SLC34A2: variants seen among roughly 807,000 people sequenced by gnomAD.
The protein encoded by SLC34A2 is sodium-dependent phosphate transport protein 2B.
SLC34A2 carries 41 observed loss-of-function variants against 50.8 expected under a neutral mutation model. That is an observed-to-expected ratio of 0.81 (90% CI 0.63 to 1.05). The LOEUF is 1.05. SLC34A2 is among the 50% of genes least tolerant of loss of function. The probability of loss-of-function intolerance (pLI) is 0.00; values close to 1 mark genes in which losing one functional copy is unlikely to be tolerated. For synonymous variants in SLC34A2, 401 were observed against 364.2 expected (o/e 1.10, Z -1.15); for missense variants, 879 against 876.7 (o/e 1.00, Z -0.03).
At chr4:25,663,821 A>T (rs564373778) in intron 3 of SLC34A2, among the ~76,000 whole-genome samples, 1 of 152,180 alleles carries the variant, frequency 6.6e-6, no homozygotes, top group Non-Finnish European at 1.5e-5. Flanking sequence ...GGAACGTGAC[A>T]GCCATTATCT....
chr4:25,672,388 A>G (rs1278426014), intron 9 of SLC34A2, among the ~76,000 whole-genome samples: 1 of 152,204 alleles, frequency 6.6e-6, no homozygotes, highest in Non-Finnish European at 1.5e-5. Flanking sequence ...GCCCCATTTC[A>G]GGGCACTGGG....
chr4:25,671,271 C>T (rs1199240979), intron 8 of SLC34A2, among the ~76,000 whole-genome samples: 3 of 152,190 alleles, frequency 2.0e-5, no homozygotes, highest in Non-Finnish European at 4.4e-5. Flanking sequence ...CTGTCAGGAA[C>T]CTACCCAGGC....
In SLC34A2 at chr4:25,666,156, C is replaced by T. The variant is rs763991011; in HGVS notation, c.408C>T (p.Asn136=). 4 of 1,613,946 alleles carry T rather than the reference C, an allele frequency of 2.5e-6. No homozygotes were observed. In the South Asian group the frequency reaches 4.4e-5, roughly 18 times the overall value. Residue 136 remains asparagine, a synonymous_variant, in exon 5 of 13, where the codon AAC becomes AAT. Coordinates refer to ENST00000382051, the MANE Select transcript of SLC34A2 (RefSeq NM_006424.3). ...AAATGGCAGGACAGTTCTTCAGCAACAGCTCTATTATGTCCAACCCTTTGT... is the reference window on the plus strand; with the variant it reads ...AAATGGCAGGACAGTTCTTCAGCAATAGCTCTATTATGTCCAACCCTTTGT... The part of the protein sequence containing the change: ...GGKMAGQFFS[N]SSIMSNPLLG...
At chr4:25,675,049 TG>T (rs1449154808) in intron 12 of SLC34A2, among the ~76,000 whole-genome samples, 1 of 152,144 alleles carries the variant, frequency 6.6e-6, no homozygotes, top group Non-Finnish European at 1.5e-5. Context: ...TTTATTTTTT[TG>T]AGACAGAGTC....
rs947403146 is a variant in SLC34A2 at position 25,676,871 on chromosome 4, T to A, written c.*122T>A. On this transcript the variant is annotated 3_prime_UTR_variant, in exon 13 of 13. Coordinates refer to ENST00000382051, the MANE Select transcript of SLC34A2 (RefSeq NM_006424.3). Reference sequence around the variant, plus strand: ...TTTGCTCCCCATTAGCGAATGAAATTGATGCAGTCCTACCTAACTCGATTC... The same window carrying A: ...TTTGCTCCCCATTAGCGAATGAAATAGATGCAGTCCTACCTAACTCGATTC... 1.2e-5 allele frequency: 17 copies of A among 1,390,784 alleles called. No individual in the cohort carries two copies. The highest frequency in any genetic ancestry group is 1.7e-5 in the Non-Finnish European group (17 of 1,003,446). The allele number at this position is 1,390,784 out of a possible 1,614,324, so 86.2% of individuals were successfully genotyped here. A position where few individuals can be genotyped will look rare whatever the true frequency, so the allele number is the denominator to read the frequency against.
chr4:25,661,590 G>A (rs961783815), intron 1 of SLC34A2, among the ~76,000 whole-genome samples: 4 of 152,040 alleles, frequency 2.6e-5, no homozygotes, highest in Non-Finnish European at 4.4e-5. Flanking sequence ...GTTTTGACAC[G>A]TTGCCCAGGC....
chr4:25,673,628 G>A (rs1714943904), intron 10 of SLC34A2, among the ~76,000 whole-genome samples: 1 of 152,134 alleles, frequency 6.6e-6, no homozygotes, highest in Non-Finnish European at 1.5e-5. Context: ...TCTTGTAAAG[G>A]AAATGTGATG....
intron 10 of SLC34A2, among the ~76,000 whole-genome samples, chr4:25,673,581 A>G (rs2240998): frequency 0.1 from 15,785 of 151,934 alleles, 988 homozygotes; most frequent in East Asian, 0.29. Context: ...TAGAAAAAGG[A>G]CCCCAGGTGT....
chr4:25,662,915 C>G, intron 3 of SLC34A2, 73 bp downstream of exon 3: 1 of 1,549,464 alleles, frequency 6.5e-7, no homozygotes, highest in Non-Finnish European at 8.9e-7. Context: ...TCCTCCTGTC[C>G]CTCCCCCTTT....
intron 6 of SLC34A2, among the ~76,000 whole-genome samples, chr4:25,668,439 G>T (rs1321545372): frequency 2.0e-5 from 3 of 152,100 alleles, no homozygotes; most frequent in African/African-American, 7.2e-5. Context: ...GATCGCCTGA[G>T]GTCAGGAGCC....
rs1265960379 is a variant in SLC34A2 at position 25,677,149 on chromosome 4, C to G, written c.*400C>G. 9.4e-6 allele frequency: 2 copies of G among 212,546 alleles called. No homozygotes were observed. The highest frequency in any genetic ancestry group is 1.9e-5 in the Non-Finnish European group (2 of 104,150). The allele number at this position is 212,546 out of a possible 1,614,324, so 13.2% of individuals were successfully genotyped here. ...GCTCTCCCAGATGAGGAAGTGTACTCTCTATGACTATCAAGCTCAGGCCTC... is the reference window on the plus strand; with the variant it reads ...GCTCTCCCAGATGAGGAAGTGTACTGTCTATGACTATCAAGCTCAGGCCTC... On this transcript the variant is annotated 3_prime_UTR_variant, in exon 13 of 13. Coordinates refer to ENST00000382051, the MANE Select transcript of SLC34A2 (RefSeq NM_006424.3).
rs1433172731 is a variant in SLC34A2, at chr4:25,669,796, A to G, written c.785A>G (p.Asp262Gly). ...FHFKNGEDAPDLLKVITKPFT... is the reference protein window; with the variant it reads ...FHFKNGEDAPGLLKVITKPFT... ...TTCAAGAATGGAGAAGATGCCCCAG[A>G]TCTTCTGAAAGTCATCACTAAGCCC... Residue 262 changes from aspartate (D) to glycine (G), a missense_variant, in exon 7 of 13, where the codon GAT (aspartate) becomes GGT (glycine). Asp to Gly is a moderately conservative substitution (Grantham distance 94, BLOSUM62 -1). Coordinates refer to ENST00000382051, the MANE Select transcript of SLC34A2 (RefSeq NM_006424.3). 1 of 1,614,114 alleles carries G rather than the reference A, an allele frequency of 6.2e-7. No homozygotes were observed. Among genetic ancestry groups the G allele is most frequent in the South Asian group, 1.1e-5 (1 of 91,078 alleles).
At chr4:25,664,728 A>T (rs746021200) in intron 4 of SLC34A2, among the ~76,000 whole-genome samples, 1 of 152,002 alleles carries the variant, frequency 6.6e-6, no homozygotes, top group Non-Finnish European at 1.5e-5. Context: ...GGGGAAGGAC[A>T]GGGCCCCTTC....
intron 4 of SLC34A2, 59 bp downstream of exon 4, chr4:25,664,389 C>T (rs779876616): frequency 5.2e-5 from 83 of 1,602,034 alleles, no homozygotes; most frequent in South Asian, 3.5e-4. Context: ...AATGTGGTTC[C>T]GAGAGTAAAA....
At position 25,676,418 on chromosome 4, in the gene SLC34A2, G is replaced by T. The variant is rs774345090; in HGVS notation, c.1742G>T (p.Arg581Leu). 6.2e-7 allele frequency: 1 copy of T among 1,613,952 alleles called. No homozygotes were observed. The highest frequency in any genetic ancestry group is 1.3e-5 in the African/African-American group (1 of 75,040). Residue 581 changes from arginine to leucine, a missense_variant, in exon 13 of 13, where the codon CGC (arginine) becomes CTC (leucine). By Grantham distance (102) the Arg-to-Leu change is moderately radical. Transcript: ENST00000382051. ...CLRLLQSRCP[R>L]VLPKKLQNWN... Reference sequence around the variant, plus strand: ...CGACTCCTGCAGTCTCGCTGCCCACGCGTCCTGCCGAAGAAACTCCAGAAC... The same window carrying T: ...CGACTCCTGCAGTCTCGCTGCCCACTCGTCCTGCCGAAGAAACTCCAGAAC...
chr4:25,676,203 C>A lies in SLC34A2; in HGVS notation c.1527C>A (p.Arg509=), dbSNP rs780054519. 1.2e-6 allele frequency: 2 copies of A among 1,614,238 alleles called. No homozygotes were observed. The highest frequency in any genetic ancestry group is 1.7e-6 in the Non-Finnish European group (2 of 1,180,034). The part of the protein sequence containing the change: ...ILLWYPIPFT[R]LPIRMAKGLG... ...TGTGGTACCCGATCCCGTTCACTCG[C>A]CTGCCCATCCGCATGGCCAAGGGGC... The change falls in exon 13 of 13, where the codon CGC becomes CGA. Residue 509 remains arginine (R), a synonymous_variant. Coordinates refer to ENST00000382051, the MANE Select transcript of SLC34A2 (RefSeq NM_006424.3).
Position 25,673,139 on chromosome 4 carries a change from C to T in SLC34A2, c.1101C>T (p.Ile367=), listed in dbSNP as rs1019797044. The change falls in exon 10 of 13, where the codon ATC becomes ATT. Residue 367 remains isoleucine (I), a synonymous_variant. Transcript: ENST00000382051. ...TCCCGGATCTTGCTGTGGGCACCATCTTGCTCATACTCTCCCTGCTGGTCC... is the reference window on the plus strand; with the variant it reads ...TCCCGGATCTTGCTGTGGGCACCATTTTGCTCATACTCTCCCTGCTGGTCC... ...FHLPDLAVGT[I]LLILSLLVLC... 1 of 1,614,162 alleles carries T rather than the reference C, an allele frequency of 6.2e-7. No homozygotes were observed. Among genetic ancestry groups the T allele is most frequent in the East Asian group, 2.2e-5 (1 of 44,884 alleles).
chr4:25,665,449 T>G (rs982183422), intron 4 of SLC34A2, among the ~76,000 whole-genome samples: 2 of 152,142 alleles, frequency 1.3e-5, no homozygotes, highest in East Asian at 3.9e-4. Flanking sequence ...ATTACAGGTG[T>G]GAGCCACCGT....
chr4:25,676,798 A>G lies in SLC34A2; in HGVS notation c.*49A>G, dbSNP rs764975064. ...TGGGGGGATGGTCCTTGAGTTTTGC[A>G]TGCTCTCCTCCCTCCCACTTCTGCA... On this transcript the variant is annotated 3_prime_UTR_variant, in exon 13 of 13. Coordinates refer to ENST00000382051, the MANE Select transcript of SLC34A2 (RefSeq NM_006424.3). 12 of 1,611,904 alleles carry G rather than the reference A, an allele frequency of 7.4e-6. No individual in the cohort carries two copies. Among genetic ancestry groups the G allele is most frequent in the Non-Finnish European group, 1.0e-5 (12 of 1,179,096 alleles).
Sources: allele counts gnomAD v4.1 joint callset (sites outside exome capture counted in the v4.1 genomes callset), GRCh38; gene constraint gnomAD v4.1.1; transcripts MANE v1.5; gene names NCBI Gene and HGNC (gene_info 2026-07-23, HGNC 2026-07-21).